Variants in INO80 observed in about 807,000 individuals in gnomAD.
The protein encoded by INO80 is chromatin-remodeling ATPase INO80.
A neutral mutation model predicts 203.4 loss-of-function variants in INO80; 20 were observed. The observed-to-expected ratio is 0.10, with a 90% CI of 0.07 to 0.14. The LOEUF (loss-of-function observed/expected upper bound fraction) is 0.14. Among genes scored for constraint, INO80 ranks in the 10% least tolerant of loss-of-function variants. INO80 has a pLI of 1.00. For missense variants in INO80, 1,419 were observed against 1,914.4 expected (o/e 0.74, Z 4.83); for synonymous variants, 726 against 685.2 (o/e 1.06, Z -0.93).
chr15:41,035,527 A>T (rs1215204478), intron 24 of INO80, among the ~76,000 whole-genome samples: 6 of 137,790 alleles, frequency 4.4e-5, no homozygotes, highest in African/African-American at 7.8e-5. Flanking sequence ...CTACATCTCT[A>T]AAAAAAAAAA....
At chr15:41,103,975 G>C (rs2045844094) in intron 1 of INO80, among the ~76,000 whole-genome samples, 1 of 151,836 alleles carries the variant, frequency 6.6e-6, no homozygotes, top group South Asian at 2.1e-4. Flanking sequence ...CAGCACCTTG[G>C]GAGGCCAAGG....
intron 9 of INO80, among the ~76,000 whole-genome samples, chr15:41,078,190 G>A (rs941175089): frequency 1.3e-5 from 2 of 152,046 alleles, no homozygotes; most frequent in African/African-American, 4.8e-5. Context: ...GAGCCACCGC[G>A]CCCGGCCAAG....
rs536502958 is a variant in INO80 at position 41,080,206 on chromosome 15, A to G, written c.928-302T>C. 1.2e-3 allele frequency among the ~76,000 whole-genome samples: 179 copies of G among 152,340 alleles called. 1 individual carries two copies. Among genetic ancestry groups the G allele is most frequent in the African/African-American group, 4.2e-3 (173 of 41,574 alleles). On this transcript the variant is annotated intron_variant, in intron 8 of 35. Transcript: ENST00000648947. ...CAAAATGTTATTGCACACATTAATAACAGCTATCACTGCTTATTACATCTT... is the reference window on the plus strand; with the variant it reads ...CAAAATGTTATTGCACACATTAATAGCAGCTATCACTGCTTATTACATCTT...
intron 29 of INO80, among the ~76,000 whole-genome samples, chr15:40,991,955 T>A (rs1219355500): frequency 6.6e-6 from 1 of 152,096 alleles, no homozygotes; most frequent in Non-Finnish European, 1.5e-5. Flanking sequence ...TTTTTTGCAT[T>A]TTTAGAGAGA....
chr15:41,058,570 C>CGTGT (rs67053863), intron 16 of INO80, 69 bp downstream of exon 16: 82 of 543,848 alleles, frequency 1.5e-4, no homozygotes, highest in East Asian at 2.9e-4. Flanking sequence ...TGTGTGTGTG[C>CGTGT]GTGTGTGTGT....
intron 25 of INO80, chr15:41,023,205 C>A: frequency 2.2e-6 from 1 of 446,154 alleles, no homozygotes; most frequent in South Asian, 1.6e-5. Flanking sequence ...AAATATGGAC[C>A]AAAAGAAAGC....
intron 24 of INO80, among the ~76,000 whole-genome samples, chr15:41,029,279 G>A (rs566308984): frequency 1.3e-5 from 2 of 152,170 alleles, no homozygotes. Flanking sequence ...CACTTATACA[G>A]CTTTATTTTC....
At chr15:41,036,541 T>C (rs1247137107) in intron 24 of INO80, among the ~76,000 whole-genome samples, 1 of 123,064 alleles carries the variant, frequency 8.1e-6, no homozygotes, top group African/African-American at 2.9e-5. Context: ...CAAAATTCTA[T>C]TTAAAATATT....
intron 1 of INO80, among the ~76,000 whole-genome samples, chr15:41,112,421 T>A (rs2045970462): frequency 6.6e-6 from 1 of 152,186 alleles, no homozygotes; most frequent in Non-Finnish European, 1.5e-5. Flanking sequence ...TATTAGTGCC[T>A]ATGCCCTTCT....
intron 7 of INO80, among the ~76,000 whole-genome samples, chr15:41,083,592 G>T (rs1467203944): frequency 6.6e-6 from 1 of 151,176 alleles, no homozygotes; most frequent in Non-Finnish European, 1.5e-5. Context: ...TGTAGTCCCA[G>T]CTACTCAGCT....
At chr15:40,995,070 G>C (rs2043864570) in intron 29 of INO80, among the ~76,000 whole-genome samples, 2 of 152,112 alleles carry the variant, frequency 1.3e-5, no homozygotes, top group African/African-American at 2.4e-5. Context: ...AGGCCAGGCT[G>C]GTCTTGAACT....
chr15:41,114,503 G>C (rs1005461899), intron 1 of INO80, among the ~76,000 whole-genome samples: 2 of 151,948 alleles, frequency 1.3e-5, no homozygotes, highest in Non-Finnish European at 2.9e-5. Context: ...GAGGTCAGGA[G>C]TTCGAGACCG....
chr15:41,107,719 G>A (rs2045900627), intron 1 of INO80, among the ~76,000 whole-genome samples: 1 of 152,150 alleles, frequency 6.6e-6, no homozygotes, highest in African/African-American at 2.4e-5. Context: ...AGAATTGCTT[G>A]AGCCTGGGAA....
At chr15:41,036,183 A>C (rs1414288760) in intron 24 of INO80, among the ~76,000 whole-genome samples, 2 of 149,500 alleles carry the variant, frequency 1.3e-5, no homozygotes, top group East Asian at 3.9e-4. Context: ...AAAAAAAAAA[A>C]AACCCAAAAA....
rs1240206549 is a variant in INO80, at chr15:41,046,232, T to C, written c.2736-1157A>G. 4.4e-3 allele frequency among the ~76,000 whole-genome samples: 125 copies of C among 28,606 alleles called. 8 individuals carry two copies. Among genetic ancestry groups the C allele is most frequent in the African/African-American group, 8.1e-3 (121 of 15,000 alleles). 18.8% of individuals were successfully genotyped at this position (28,606 alleles called of 152,430 possible). On this transcript the variant is annotated intron_variant, in intron 23 of 35. Transcript: ENST00000648947. ...ATATATATATATATATATATATATA[T>C]ATATATATATATATATATATATATT... is the stretch of plus-strand genomic sequence containing the variant.
At chr15:41,108,953 C>G (rs2140707604) in intron 1 of INO80, 1 of 156,782 alleles carries the variant, frequency 6.4e-6, no homozygotes, top group Middle Eastern at 1.7e-3. Flanking sequence ...AAAGACTGGG[C>G]CAAATCTCCA....
chr15:41,066,214 G>A (rs1366740711), intron 14 of INO80, among the ~76,000 whole-genome samples: 4 of 152,030 alleles, frequency 2.6e-5, no homozygotes, highest in South Asian at 2.1e-4. Context: ...CCGACCTCAG[G>A]TGACCCCCCT....
chr15:41,018,661 G>T (rs1326556008), intron 26 of INO80: 1 of 152,334 alleles, frequency 6.6e-6, no homozygotes, highest in Admixed American at 6.5e-5. Flanking sequence ...TCTAGTATTT[G>T]TCCTTAGTAA....
intron 27 of INO80, among the ~76,000 whole-genome samples, chr15:41,009,751 C>G (rs1007625850): frequency 2.6e-5 from 4 of 151,904 alleles, no homozygotes; most frequent in African/African-American, 9.7e-5. Context: ...CTATGCCCAG[C>G]TAATTTTTAA....
Sources: allele counts gnomAD v4.1 joint callset (sites outside exome capture counted in the v4.1 genomes callset), GRCh38; gene constraint gnomAD v4.1.1; transcripts MANE v1.5; gene names NCBI Gene and HGNC (gene_info 2026-07-23, HGNC 2026-07-21).